Variants in VARS2 observed in about 807,000 individuals in gnomAD.
VARS2 encodes the protein valyl-tRNA synthetase 2, mitochondrial, also known as valine--tRNA ligase, mitochondrial.
Under a neutral mutation model 154.1 loss-of-function variants are expected in VARS2, and 105 were observed. The ratio of observed to expected loss-of-function variants is 0.68; its 90% CI spans 0.58 to 0.80. The LOEUF (loss-of-function observed/expected upper bound fraction) is 0.80, where lower values mean the gene tolerates loss of function less well. Ranked by LOEUF, VARS2 falls within the 30% of genes least tolerant of loss-of-function variation. The probability of loss-of-function intolerance (pLI) is 0.00; values close to 1 mark genes in which losing one functional copy is unlikely to be tolerated. For missense variants in VARS2, 1,157 were observed against 1,361.4 expected (o/e 0.85, Z 2.36); for synonymous variants, 483 against 539.5 (o/e 0.90, Z 1.45).
chr6:30,925,986 C>G lies in VARS2; in HGVS notation c.3068C>G (p.Ala1023Gly), dbSNP rs371093969. 1 of 1,613,108 alleles carries G rather than the reference C, an allele frequency of 6.2e-7. No homozygotes were observed. Among genetic ancestry groups the G allele is most frequent in the South Asian group, 1.1e-5 (1 of 91,086 alleles). ...LTARTPSEGE[A>G]GTQRQQKLSS... is the part of the protein sequence containing the mutation. ...GCCAGGACCCCATCAGAAGGGGAGG[C>G]AGGGACTCAGAGGCAACAAAAGGTA... Residue 1023 changes from alanine to glycine, a missense_variant, in exon 29 of 30, where the codon GCA becomes GGA. Ala to Gly is a moderately conservative substitution (Grantham distance 60, BLOSUM62 0). Transcript: ENST00000676266.
chr6:30,922,638 A>G (rs1165269235), intron 21 of VARS2, 68 bp from the exon 22 acceptor site: 1 of 1,574,006 alleles, frequency 6.4e-7, no homozygotes, highest in African/African-American at 1.3e-5. Context: ...GAGTGAGGCC[A>G]GCAGGTGTGA....
Position 30,920,542 on chromosome 6 carries a change from C to G in VARS2, c.1397+106C>G. On this transcript the variant is annotated intron_variant, in intron 14 of 29. Coordinates refer to ENST00000676266, the MANE Select transcript of VARS2 (RefSeq NM_020442.6). The surrounding 1 kb of genome is among the most constrained non-coding windows in gnomAD (Gnocchi z 4.6). ...CTGCACCCCTCCGTTAGAATACGAG[C>G]TCCGTGTCGGTTTTATTCGCTATTG... is the stretch of plus-strand genomic sequence containing the variant. The G allele has an allele frequency of 7.4e-7, 1 of 1,357,400 alleles. No individual in the cohort carries two copies. Among genetic ancestry groups the G allele is most frequent in the East Asian group, 2.5e-5 (1 of 40,484 alleles). The allele number at this position is 1,357,400 out of a possible 1,614,324, so 84.1% of individuals were successfully genotyped here. A position where few individuals can be genotyped will look rare whatever the true frequency, so the allele number is the denominator to read the frequency against.
chr6:30,926,325 T>G lies in VARS2; in HGVS notation c.*115T>G. 9.4e-7 allele frequency: 1 copy of G among 1,060,002 alleles called. No individual in the cohort carries two copies. The highest frequency in any genetic ancestry group is 1.4e-6 in the Non-Finnish European group (1 of 714,708). 65.7% of individuals were successfully genotyped at this position (1,060,002 alleles called of 1,614,324 possible). On this transcript the variant is annotated 3_prime_UTR_variant, in exon 30 of 30. Coordinates refer to ENST00000676266, the MANE Select transcript of VARS2 (RefSeq NM_020442.6). Reference sequence around the variant, plus strand: ...AGACTATGTGGTCCATCGCCTTCATTGTGTAAATGAGGACACAGACTGGCT... The same window carrying G: ...AGACTATGTGGTCCATCGCCTTCATGGTGTAAATGAGGACACAGACTGGCT...
At position 30,917,135 on chromosome 6, in the gene VARS2, G is replaced by T; in HGVS notation, c.784G>T (p.Val262Leu). ...CTCAGTGGCTGTGACTGAAGCTTTT[G>T]TGCGGCTCTACAAGGCGGGGTTGCT... ...GSSVAVTEAFVRLYKAGLLYR... is the reference protein window; with the variant it reads ...GSSVAVTEAFLRLYKAGLLYR... The change falls in exon 9 of 30, where the codon GTG (valine) becomes TTG (leucine). Residue 262 changes from valine (V) to leucine (L), a missense_variant. Coordinates refer to ENST00000676266, the MANE Select transcript of VARS2 (RefSeq NM_020442.6). This position sits in a 1 kb window ranked among gnomAD's most constrained non-coding sequence, Gnocchi z 4.4. 1.2e-6 allele frequency: 2 copies of T among 1,614,182 alleles called. No homozygotes were observed. The highest frequency in any genetic ancestry group is 1.1e-5 in the South Asian group (1 of 91,086).
Position 30,926,020 on chromosome 6 carries a change from G to A in VARS2, c.3090+12G>A, listed in dbSNP as rs1794817278. The A allele has an allele frequency of 6.2e-7, 1 of 1,612,960 alleles. No homozygotes were observed. Among genetic ancestry groups the A allele is most frequent in the African/African-American group, 1.3e-5 (1 of 74,916 alleles). On this transcript the variant is annotated intron_variant, in intron 29 of 29. Transcript: ENST00000676266. ...AGAGGCAACAAAAGGTAAGGCTGAG[G>A]GAGGCCCCCAGAAGGCTCCACCCCT...
At position 30,924,571 on chromosome 6, in the gene VARS2, A is replaced by G. The variant is rs577093288; in HGVS notation, c.2673+11A>G. The G allele has an allele frequency of 1.9e-5, 29 of 1,489,546 alleles. No homozygotes were observed. Among genetic ancestry groups the G allele is most frequent in the Non-Finnish European group, 2.6e-5 (29 of 1,105,426 alleles). 92.3% of individuals were successfully genotyped at this position (1,489,546 alleles called of 1,614,324 possible). On this transcript the variant is annotated intron_variant, in intron 26 of 29. Transcript: ENST00000676266. ...AGCGCCTGCAGCTTGGTGAGTCCCA[A>G]GCACCTTGGAGTGGGTCTGTGGGTG...
At chr6:30,925,407 G>T in intron 27 of VARS2, 22 bp downstream of exon 27, 1 of 1,595,460 alleles carries the variant, frequency 6.3e-7, no homozygotes, top group Non-Finnish European at 8.6e-7. Flanking sequence ...CGGGTCCTGG[G>T]CTCGGATCCC....
rs1283635931 is a variant in VARS2, at chr6:30,920,677, G to T, written c.1407G>T (p.Gly469=). The T allele has an allele frequency of 6.3e-7, 1 of 1,593,258 alleles. No individual in the cohort carries two copies. Among genetic ancestry groups the T allele is most frequent in the South Asian group, 1.1e-5 (1 of 87,590 alleles). ...CCTGTCTCTCTTTCAGCCGTTCTGGGGATGTGATAGAATACCTGCTGAAGA... is the reference window on the plus strand; with the variant it reads ...CCTGTCTCTCTTTCAGCCGTTCTGGTGATGTGATAGAATACCTGCTGAAGA... The part of the protein sequence containing the change: ...PMVLPICSRS[G]DVIEYLLKNQ... Residue 469 remains glycine (G), a synonymous_variant, in exon 15 of 30, where the codon GGG becomes GGT. Coordinates refer to ENST00000676266, the MANE Select transcript of VARS2 (RefSeq NM_020442.6). The surrounding 1 kb of genome is among the most constrained non-coding windows in gnomAD (Gnocchi z 4.6).
In VARS2 at chr6:30,925,629, T is replaced by C. The variant is rs542429552; in HGVS notation, c.2871T>C (p.Ala957=). Residue 957 remains alanine, a synonymous_variant, in exon 28 of 30, where the codon GCT becomes GCC. Coordinates refer to ENST00000676266, the MANE Select transcript of VARS2 (RefSeq NM_020442.6). The part of the protein sequence containing the change: ...EPLGTLGYCG[A]VGLLPPGAAA... ...TGGGCACCCTGGGCTACTGTGGGGC[T>C]GTGGGCCTGTTACCCCCAGGCGCAG... The C allele has an allele frequency of 1.9e-6, 3 of 1,611,276 alleles. No homozygotes were observed. Among genetic ancestry groups the C allele is most frequent in the Middle Eastern group, 2.0e-4 (1 of 5,026 alleles).
Position 30,917,600 on chromosome 6 carries a change from G to A in VARS2, c.874-95G>A, listed in dbSNP as rs1208337412. 8 of 1,203,758 alleles carry A rather than the reference G, an allele frequency of 6.6e-6. No individual in the cohort carries two copies. The highest frequency in any genetic ancestry group is 3.1e-5 in the African/African-American group (2 of 64,714). 74.6% of individuals were successfully genotyped at this position (1,203,758 alleles called of 1,614,324 possible). On this transcript the variant is annotated intron_variant, in intron 9 of 29. Coordinates refer to ENST00000676266, the MANE Select transcript of VARS2 (RefSeq NM_020442.6). The surrounding 1 kb of genome is among the most constrained non-coding windows in gnomAD (Gnocchi z 4.4). ...CCAAATGGCTTTTAGATGGATTGCA[G>A]GGAGGCTGGGCAGATGGATGAGTGG... is the stretch of plus-strand genomic sequence containing the variant.
rs1167342290 is a variant in VARS2, at chr6:30,922,995, T to G, written c.2185+19T>G. ...GTTCAGGGTAAGCCTGGGCGAGGGG[T>G]GTCGGGGTGAGCAGAGGGCAGCGGG... is the stretch of plus-strand genomic sequence containing the variant. On this transcript the variant is annotated intron_variant, in intron 23 of 29. Transcript: ENST00000676266. The G allele has an allele frequency of 2.5e-5, 40 of 1,604,708 alleles. No individual in the cohort carries two copies. Among genetic ancestry groups the G allele is most frequent in the Non-Finnish European group, 3.1e-5 (36 of 1,174,664 alleles).
In VARS2 at chr6:30,924,600, G is replaced by T. The variant is rs2252760; in HGVS notation, c.2673+40G>T. 127 of 1,118,890 alleles carry T rather than the reference G, an allele frequency of 1.1e-4. No individual in the cohort carries two copies. In the South Asian group the frequency reaches 1.3e-3, roughly 12 times the overall value. 69.3% of individuals were successfully genotyped at this position (1,118,890 alleles called of 1,614,324 possible). On this transcript the variant is annotated intron_variant, in intron 26 of 29. Coordinates refer to ENST00000676266, the MANE Select transcript of VARS2 (RefSeq NM_020442.6). ...CCTTGGAGTGGGTCTGTGGGTGAATGGGGGGGAGCACCTTCTGAAGGGGTT... is the reference window on the plus strand; with the variant it reads ...CCTTGGAGTGGGTCTGTGGGTGAATTGGGGGGAGCACCTTCTGAAGGGGTT...
chr6:30,920,766 G>C lies in VARS2; in HGVS notation c.1479+17G>C. 1 of 1,557,800 alleles carries C rather than the reference G, an allele frequency of 6.4e-7. No homozygotes were observed. Among genetic ancestry groups the C allele is most frequent in the Non-Finnish European group, 8.7e-7 (1 of 1,152,024 alleles). ...GCTGCCAAGGTGAGGCTGCAGTGTA[G>C]GAAGGACTGGGGCCAGGGGTTGGGG... On this transcript the variant is annotated intron_variant, in intron 15 of 29. Coordinates refer to ENST00000676266, the MANE Select transcript of VARS2 (RefSeq NM_020442.6). This position sits in a 1 kb window ranked among gnomAD's most constrained non-coding sequence, Gnocchi z 4.6.
Position 30,924,399 on chromosome 6 carries a change from C to A in VARS2, c.2512C>A (p.Pro838Thr), listed in dbSNP as rs1194722310. ...GTGGCACTCGCCCCGCCCCCTGGGG[C>A]CCCCTCAGGTCCTGTTCTCCTGCGC... ...VLWHSPRPLG[P>T]PQVLFSCADL... Residue 838 changes from proline to threonine, a missense_variant, in exon 26 of 30, where the codon CCC (proline) becomes ACC (threonine). Transcript: ENST00000676266. 1.2e-6 allele frequency: 2 copies of A among 1,612,744 alleles called. No individual in the cohort carries two copies. The highest frequency in any genetic ancestry group is 1.7e-6 in the Non-Finnish European group (2 of 1,179,984).
In VARS2 at chr6:30,925,949, G is replaced by C. The variant is rs139921739; in HGVS notation, c.3031G>C (p.Asp1011His). ...ARRYKLQKQL[D>H]SLTARTPSEG... ...AAGGTACAAGTTGCAGAAGCAGCTT[G>C]ACAGCCTCACAGCCAGGACCCCATC... Residue 1011 changes from aspartate to histidine, a missense_variant, in exon 29 of 30, where the codon GAC becomes CAC. Physicochemically the swap from Asp to His is moderately conservative, Grantham distance 81. Coordinates refer to ENST00000676266, the MANE Select transcript of VARS2 (RefSeq NM_020442.6). 5.6e-6 allele frequency: 9 copies of C among 1,613,090 alleles called. No individual in the cohort carries two copies. The highest frequency in any genetic ancestry group is 4.5e-5 in the East Asian group (2 of 44,884).
chr6:30,914,844 A>G lies in VARS2; in HGVS notation c.8A>G (p.His3Arg), dbSNP rs759755339. Residue 3 changes from histidine to arginine, a missense_variant, in exon 2 of 30, where the codon CAT (histidine) becomes CGT (arginine). Transcript: ENST00000676266. MP[H>R]LPLASFRPPF... ...CCTTTCCAAACACTCCTGATGCCTC[A>G]TTTGCCTCTCGCCTCTTTTCGACCA... 23 of 1,612,858 alleles carry G rather than the reference A, an allele frequency of 1.4e-5. No homozygotes were observed. Among genetic ancestry groups the G allele is most frequent in the Non-Finnish European group, 1.8e-5 (21 of 1,180,006 alleles).
rs1295005688 is a variant in VARS2, at chr6:30,923,093, T to C, written c.2186-11T>C. On this transcript the variant is annotated splice_polypyrimidine_tract_variant and intron_variant, in intron 23 of 29. Transcript: ENST00000676266. ...ACCTACATGCAGACTACCTCGATTCTTCCCTTCCAGCGGGCGACTTGCACC... is the reference window on the plus strand; with the variant it reads ...ACCTACATGCAGACTACCTCGATTCCTCCCTTCCAGCGGGCGACTTGCACC... 4.3e-6 allele frequency: 7 copies of C among 1,612,648 alleles called. No individual in the cohort carries two copies. The highest frequency in any genetic ancestry group is 5.1e-6 in the Non-Finnish European group (6 of 1,179,876).
In VARS2 at chr6:30,926,377, A is replaced by T. The variant is rs1232321007; in HGVS notation, c.*167A>T. The T allele has an allele frequency of 2.9e-6, 2 of 691,928 alleles. No homozygotes were observed. The highest frequency in any genetic ancestry group is 3.6e-5 in the African/African-American group (2 of 55,706). The allele number at this position is 691,928 out of a possible 1,614,324, so 42.9% of individuals were successfully genotyped here. A position where few individuals can be genotyped will look rare whatever the true frequency, so the allele number is the denominator to read the frequency against. On this transcript the variant is annotated 3_prime_UTR_variant, in exon 30 of 30. Coordinates refer to ENST00000676266, the MANE Select transcript of VARS2 (RefSeq NM_020442.6). ...GGTCGCAGTGACTGTGGTGTCCTTG[A>T]GATGCTCACATTACTGCCCGGCCTG...
intron 27 of VARS2, 38 bp downstream of exon 27, chr6:30,925,423 G>A (rs771904203): frequency 6.3e-7 from 1 of 1,587,754 alleles, no homozygotes; most frequent in South Asian, 1.1e-5. Context: ...ATCCCTGCAG[G>A]AAAAGGGGGC....
Sources: allele counts gnomAD v4.1 joint callset, GRCh38; gene constraint gnomAD v4.1.1; non-coding constraint Gnocchi (gnomAD v3.1); transcripts MANE v1.5; gene names NCBI Gene and HGNC (gene_info 2026-07-23, HGNC 2026-07-21).